The following PSEN1 variants were observed in gnomAD, a reference collection of about 807,000 sequenced individuals.
The protein encoded by PSEN1 is presenilin 1.
A neutral mutation model predicts 53.5 loss-of-function variants in PSEN1; 15 were observed. That is an observed-to-expected ratio of 0.28 (90% CI 0.19 to 0.43). PSEN1 has a LOEUF of 0.43. Ranked by LOEUF, PSEN1 falls within the 20% of genes least tolerant of loss-of-function variation. PSEN1 has a pLI of 1.00. For synonymous variants in PSEN1, 208 were observed against 209.8 expected (o/e 0.99, Z 0.08); for missense variants, 387 against 571.2 (o/e 0.68, Z 3.29).
chr14:73,147,529 A>G (rs1216257867), intron 1 of PSEN1: 2 of 185,896 alleles, frequency 1.1e-5, no homozygotes, highest in Admixed American at 5.4e-5. Flanking sequence ...TGTTGAGAAC[A>G]TTCCTTAAGA....
At chr14:73,204,179 G>C (rs1168609909) in intron 8 of PSEN1, among the ~76,000 whole-genome samples, 1 of 151,830 alleles carries the variant, frequency 6.6e-6, no homozygotes, top group East Asian at 1.9e-4. Context: ...TGTATTTTTA[G>C]TAGAGACAGG....
chr14:73,147,694 C>T (rs1897111088), intron 1 of PSEN1, 101 bp from the exon 2 acceptor site: 1 of 349,980 alleles, frequency 2.9e-6, no homozygotes, highest in Non-Finnish European at 5.5e-6. Flanking sequence ...CAAATTAATA[C>T]ATTCCTGGTT....
At chr14:73,201,033 A>C (rs1302942835) in intron 8 of PSEN1, among the ~76,000 whole-genome samples, 2 of 152,140 alleles carry the variant, frequency 1.3e-5, no homozygotes, top group African/African-American at 4.8e-5. Flanking sequence ...CCTGAGTGAC[A>C]GCAAGGCTTC....
chr14:73,222,283 T>C lies in PSEN1; in HGVS notation c.*2994T>C, dbSNP rs1365143576. 6.6e-6 allele frequency: 1 copy of C among 152,202 alleles called. No homozygotes were observed. The highest frequency in any genetic ancestry group is 2.4e-5 in the African/African-American group (1 of 41,462). The allele number at this position is 152,202 out of a possible 1,614,324, so 9.4% of individuals were successfully genotyped here. On this transcript the variant is annotated 3_prime_UTR_variant, in exon 12 of 12. Transcript: ENST00000324501. Reference sequence around the variant, plus strand: ...ACAGAAGCAACAACTGAAGAGGCAGTGTTTTTACTTTCAGACTCCGGGATT... The same window carrying C: ...ACAGAAGCAACAACTGAAGAGGCAGCGTTTTTACTTTCAGACTCCGGGATT...
chr14:73,188,456 C>CCTCA (rs1898597100), intron 6 of PSEN1, among the ~76,000 whole-genome samples: 1 of 152,040 alleles, frequency 6.6e-6, no homozygotes, highest in Non-Finnish European at 1.5e-5. Flanking sequence ...AAGTTGGATA[C>CCTCA]CAACCTGCGC....
In PSEN1 at chr14:73,221,671, G is replaced by T. The variant is rs181556440; in HGVS notation, c.*2382G>T. 2.0e-5 allele frequency: 3 copies of T among 151,966 alleles called. No homozygotes were observed. The highest frequency in any genetic ancestry group is 2.0e-4 in the Admixed American group (3 of 15,258). 9.4% of individuals were successfully genotyped at this position (151,966 alleles called of 1,614,324 possible). ...TCCTGGGCTCAAGTAATCCACCTCAGCCTGAGTAGCTGAGACTACAGCCCA... is the reference window on the plus strand; with the variant it reads ...TCCTGGGCTCAAGTAATCCACCTCATCCTGAGTAGCTGAGACTACAGCCCA... On this transcript the variant is annotated 3_prime_UTR_variant, in exon 12 of 12. Coordinates refer to ENST00000324501, the MANE Select transcript of PSEN1 (RefSeq NM_000021.4).
chr14:73,155,734 G>T (rs1038030273), intron 3 of PSEN1, among the ~76,000 whole-genome samples: 5 of 152,150 alleles, frequency 3.3e-5, no homozygotes, highest in Middle Eastern at 3.4e-3. Context: ...GCCCAGGCCG[G>T]TCTTGAACTC....
chr14:73,186,088 A>G (rs1345072166), intron 5 of PSEN1, among the ~76,000 whole-genome samples: 1 of 152,168 alleles, frequency 6.6e-6, no homozygotes, highest in East Asian at 1.9e-4. Context: ...ATAATTTAGA[A>G]TATTCAAATG....
At chr14:73,200,153 A>G (rs1394450652) in intron 8 of PSEN1, among the ~76,000 whole-genome samples, 1 of 152,074 alleles carries the variant, frequency 6.6e-6, no homozygotes. Context: ...TTTATTTTTT[A>G]TTGTTTGTCT....
At chr14:73,202,171 A>G (rs1002073920) in intron 8 of PSEN1, among the ~76,000 whole-genome samples, 7 of 150,908 alleles carry the variant, frequency 4.6e-5, no homozygotes, top group Non-Finnish European at 7.4e-5. Context: ...CAGCCTCCCG[A>G]GTAGTTGAGA....
At chr14:73,192,005 T>G (rs1257154667) in intron 6 of PSEN1, among the ~76,000 whole-genome samples, 1 of 152,252 alleles carries the variant, frequency 6.6e-6, no homozygotes, top group Non-Finnish European at 1.5e-5. Context: ...TGATATGATC[T>G]TTTTTCCTCT....
intron 7 of PSEN1, among the ~76,000 whole-genome samples, chr14:73,194,621 T>C (rs755316785): frequency 1.4e-4 from 20 of 141,614 alleles, no homozygotes; most frequent in Non-Finnish European, 2.6e-4. Context: ...CAGACTGGAG[T>C]GCAGTGGCGT....
intron 6 of PSEN1, among the ~76,000 whole-genome samples, chr14:73,188,245 C>T (rs879726588): frequency 6.6e-6 from 1 of 152,062 alleles, no homozygotes; most frequent in Non-Finnish European, 1.5e-5. Flanking sequence ...TACATTTGAC[C>T]AAGTGGAGTT....
chr14:73,186,393 G>T (rs995769356), intron 5 of PSEN1, among the ~76,000 whole-genome samples: 1 of 151,802 alleles, frequency 6.6e-6, no homozygotes, highest in Middle Eastern at 3.4e-3. Context: ...AAAAAAAAAA[G>T]AATATTCAAA....
At chr14:73,183,904 G>A (rs1322271581) in intron 5 of PSEN1, among the ~76,000 whole-genome samples, 6 of 143,430 alleles carry the variant, frequency 4.2e-5, no homozygotes, top group Admixed American at 2.8e-4. Context: ...CCTCCCGGGC[G>A]GGGCGGCTGG....
chr14:73,165,205 C>T (rs970618932), intron 3 of PSEN1, among the ~76,000 whole-genome samples: 3 of 152,172 alleles, frequency 2.0e-5, no homozygotes, highest in African/African-American at 7.2e-5. Flanking sequence ...ATCCGCCCGC[C>T]TCAGCCTCCC....
At chr14:73,214,732 TA>T (rs1899842370) in intron 10 of PSEN1, among the ~76,000 whole-genome samples, 1 of 152,166 alleles carries the variant, frequency 6.6e-6, no homozygotes, top group African/African-American at 2.4e-5. Context: ...TGATTCCACT[TA>T]CATCAGAGTA....
At chr14:73,196,549 C>T (rs1319510538) in intron 7 of PSEN1, among the ~76,000 whole-genome samples, 1 of 144,286 alleles carries the variant, frequency 6.9e-6, no homozygotes, top group African/African-American at 2.6e-5. Context: ...TCTTGGCTCA[C>T]TGCAGCCTCC....
chr14:73,182,685 A>G (rs1319577954), intron 5 of PSEN1, among the ~76,000 whole-genome samples: 3 of 151,970 alleles, frequency 2.0e-5, no homozygotes, highest in Non-Finnish European at 4.4e-5. Context: ...CTCTAATACA[A>G]AAATCACCTG....
Sources: gnomAD v4.1 joint callset for allele counts (sites outside exome capture counted in the v4.1 genomes callset) on GRCh38, gnomAD v4.1.1 for gene constraint, MANE v1.5 for transcripts, NCBI Gene and HGNC (gene_info 2026-07-23, HGNC 2026-07-21) for gene names.